Variants in GSK3B observed in about 807,000 individuals in gnomAD.
GSK3B encodes glycogen synthase kinase 3 beta.
In GSK3B, 15 loss-of-function variants were observed where a neutral mutation model predicts 56.4. The ratio of observed to expected loss-of-function variants is 0.27; its 90% CI spans 0.18 to 0.41. The LOEUF (loss-of-function observed/expected upper bound fraction) is 0.41. Ranked by LOEUF, GSK3B falls within the 10% of genes least tolerant of loss-of-function variation. The probability of loss-of-function intolerance (pLI) is 1.00; values close to 1 mark genes in which losing one functional copy is unlikely to be tolerated. For missense variants in GSK3B, 300 were observed against 513.4 expected, an observed-to-expected ratio of 0.58 and a Z score of 4.02; for synonymous variants, 181 against 188.9, an observed-to-expected ratio of 0.96 and a Z score of 0.34.
At chr3:119,971,600 A>ATT (rs1226171278) in intron 2 of GSK3B, among the ~76,000 whole-genome samples, 1 of 96,612 alleles carries the variant, frequency 1.0e-5, no homozygotes, top group Non-Finnish European at 2.0e-5. Context: ...TATTTGCAAT[A>ATT]ATTTTTTTTT....
At chr3:120,043,706 T>G (rs553355633) in intron 1 of GSK3B, among the ~76,000 whole-genome samples, 1 of 152,308 alleles carries the variant, frequency 6.6e-6, no homozygotes, top group Non-Finnish European at 1.5e-5. Context: ...ATTGTCCATC[T>G]CACCATTGTA....
intron 7 of GSK3B, among the ~76,000 whole-genome samples, chr3:119,887,867 T>C (rs963911741): frequency 1.2e-4 from 18 of 152,002 alleles, no homozygotes; most frequent in Non-Finnish European, 2.2e-4. Context: ...AAACACATTA[T>C]AGACAGGGTA....
At chr3:120,047,160 T>C (rs72969170) in intron 1 of GSK3B, among the ~76,000 whole-genome samples, 1,850 of 152,346 alleles carry the variant, frequency 0.012, 33 homozygotes, top group African/African-American at 0.042. Context: ...TTATTTTCAA[T>C]GTAAGGTGAT....
At chr3:119,831,656 CAAAA>C (rs112424726) in intron 10 of GSK3B, among the ~76,000 whole-genome samples, 1 of 78,174 alleles carries the variant, frequency 1.3e-5, no homozygotes, top group Non-Finnish European at 2.9e-5. Context: ...GACTCCGTCT[CAAAA>C]AAAAAAAAAA....
intron 1 of GSK3B, among the ~76,000 whole-genome samples, chr3:120,056,310 G>A (rs1037618233): frequency 5.3e-5 from 8 of 151,948 alleles, no homozygotes; most frequent in African/African-American, 1.9e-4. Flanking sequence ...CGTTTTTTGA[G>A]ATGGAGTAAA....
At chr3:120,076,894 C>T (rs925828972) in intron 1 of GSK3B, among the ~76,000 whole-genome samples, 2 of 145,086 alleles carry the variant, frequency 1.4e-5, no homozygotes, top group African/African-American at 2.6e-5. Flanking sequence ...AAACGGCCAA[C>T]AGGTATATGA....
At chr3:119,857,035 A>C (rs1348420595) in intron 9 of GSK3B, among the ~76,000 whole-genome samples, 1 of 152,196 alleles carries the variant, frequency 6.6e-6, no homozygotes, top group Non-Finnish European at 1.5e-5. Context: ...TAAGCATTAC[A>C]TCTAAAAAAA....
chr3:120,045,086 GCTTATAAAAACAGCA>G (rs1472368287), intron 1 of GSK3B, among the ~76,000 whole-genome samples: 1 of 152,120 alleles, frequency 6.6e-6, no homozygotes, highest in Non-Finnish European at 1.5e-5. Flanking sequence ...TAGTGCAAAC[GCTTATAAAAACAGCA>G]CTTACTAAAA....
chr3:120,085,051 G>A (rs1164419546), intron 1 of GSK3B, among the ~76,000 whole-genome samples: 3 of 152,158 alleles, frequency 2.0e-5, no homozygotes, highest in South Asian at 4.1e-4. Context: ...GTGGTCTCCA[G>A]GAAAGAGAAC....
At chr3:119,985,919 A>G (rs2057511554) in intron 2 of GSK3B, among the ~76,000 whole-genome samples, 1 of 152,192 alleles carries the variant, frequency 6.6e-6, no homozygotes. Flanking sequence ...GCATCATGCT[A>G]CCTGACTTCA....
At chr3:120,036,536 T>C (rs1576287615) in intron 1 of GSK3B, among the ~76,000 whole-genome samples, 1 of 152,164 alleles carries the variant, frequency 6.6e-6, no homozygotes, top group East Asian at 1.9e-4. Flanking sequence ...CTCATGCCTG[T>C]AATCTCAGCA....
At chr3:119,847,601 C>A (rs1205408182) in intron 9 of GSK3B, among the ~76,000 whole-genome samples, 2 of 152,198 alleles carry the variant, frequency 1.3e-5, no homozygotes, top group Middle Eastern at 3.4e-3. Flanking sequence ...AAAAAGCCCA[C>A]AGAAGTACTG....
chr3:119,906,529 C>A (rs1370281045), intron 6 of GSK3B, among the ~76,000 whole-genome samples: 1 of 152,044 alleles, frequency 6.6e-6, no homozygotes, highest in Admixed American at 6.5e-5. Flanking sequence ...TTAAAGTATA[C>A]ATCCTGGTTT....
At position 119,923,449 on chromosome 3, in the gene GSK3B, T is replaced by C. The variant is rs747598536; in HGVS notation, c.401A>G (p.Tyr134Cys). ...AACTCTGTATACTGTTTCCGGAACA[T>C]AGTCCAGCACCAGATTAAGATAGAC... ...DEVYLNLVLD[Y>C]VPETVYRVAR... The change falls in exon 4 of 11, where the codon TAT becomes TGT. Residue 134 changes from tyrosine to cysteine, a missense_variant. Tyr to Cys is a radical substitution (Grantham distance 194, BLOSUM62 -2). Coordinates refer to ENST00000264235, the MANE Select transcript of GSK3B (RefSeq NM_001146156.2). 3.7e-6 allele frequency: 6 copies of C among 1,602,682 alleles called. No homozygotes were observed. The highest frequency in any genetic ancestry group is 1.3e-5 in the African/African-American group (1 of 74,822).
chr3:119,835,313 T>G (rs547143658), intron 10 of GSK3B, among the ~76,000 whole-genome samples: 9 of 152,356 alleles, frequency 5.9e-5, no homozygotes, highest in Non-Finnish European at 1.0e-4. Flanking sequence ...TCTTTATACT[T>G]TTTGACTCTA....
At chr3:120,020,119 G>A (rs1043048502) in intron 1 of GSK3B, among the ~76,000 whole-genome samples, 1 of 152,144 alleles carries the variant, frequency 6.6e-6, no homozygotes, top group African/African-American at 2.4e-5. Context: ...CGAAGATAGA[G>A]TACCTCCAAA....
In GSK3B at chr3:119,922,228, G is replaced by GGGAGGGAAGGAA. The variant is rs1406341579; in HGVS notation, c.477+1144_477+1145insTTCCTTCCCTCC. Among the ~76,000 whole-genome samples, 95 of 61,464 alleles carry GGGAGGGAAGGAA rather than the reference G, an allele frequency of 1.5e-3. 1 individual carries two copies. Among genetic ancestry groups the GGGAGGGAAGGAA allele is most frequent in the African/African-American group, 7.4e-3 (83 of 11,168 alleles). 40.3% of individuals were successfully genotyped at this position (61,464 alleles called of 152,430 possible). On this transcript the variant is annotated intron_variant, in intron 4 of 10. Coordinates refer to ENST00000264235, the MANE Select transcript of GSK3B (RefSeq NM_001146156.2). ...AAGGAGGGAAGGAAGGAAGGAAGGA[G>GGGAGGGAAGGAA]GGAAGGAAGGAAGGAAGGAAGGAAG... is the stretch of plus-strand genomic sequence containing the variant.
intron 3 of GSK3B, among the ~76,000 whole-genome samples, chr3:119,933,616 C>T (rs930514828): frequency 5.3e-5 from 8 of 152,172 alleles, no homozygotes; most frequent in Admixed American, 1.3e-4. Flanking sequence ...GTGGCTCACG[C>T]CTGTAATCCC....
rs201158378 is a variant in GSK3B at position 120,093,614 on chromosome 3, G to A, written c.-180C>T. 90 of 528,246 alleles carry A rather than the reference G, an allele frequency of 1.7e-4. No individual in the cohort carries two copies. In the South Asian group the frequency reaches 2.5e-3, roughly 14 times the overall value. 32.7% of individuals were successfully genotyped at this position (528,246 alleles called of 1,614,324 possible). A position where few individuals can be genotyped will look rare whatever the true frequency, so the allele number is the denominator to read the frequency against. ...GTATACTATAAAAAACAAAACAAGC[G>A]ATATATTTCTCCTTCAAGACAGATC... On this transcript the variant is annotated 5_prime_UTR_variant, in exon 1 of 11. Coordinates refer to ENST00000264235, the MANE Select transcript of GSK3B (RefSeq NM_001146156.2).
Sources: allele counts gnomAD v4.1 joint callset (sites outside exome capture counted in the v4.1 genomes callset), GRCh38; gene constraint gnomAD v4.1.1; transcripts MANE v1.5; gene names NCBI Gene and HGNC (gene_info 2026-07-23, HGNC 2026-07-21).